Variants in SDK1 observed in about 807,000 individuals in gnomAD.
The protein encoded by SDK1 is sidekick cell adhesion molecule 1, also known as protein sidekick-1.
In SDK1, 157 loss-of-function variants were observed where a neutral mutation model predicts 245.5. That is an observed-to-expected ratio of 0.64 (90% CI 0.56 to 0.73). The LOEUF is 0.73. SDK1 is among the 30% of genes least tolerant of loss of function. The pLI is 0.00. For synonymous variants in SDK1, 1,647 were observed against 1,278.5 expected (o/e 1.29, Z -6.15); for missense variants, 3,583 against 3,002.3 (o/e 1.19, Z -4.52).
chr7:3,960,529 G>A (rs1029436704), intron 8 of SDK1, among the ~76,000 whole-genome samples: 33 of 152,134 alleles, frequency 2.2e-4, no homozygotes, highest in African/African-American at 7.0e-4. Flanking sequence ...GTGCAGCGGC[G>A]TGTCACCCTT....
chr7:3,705,219 G>A (rs1024701327), intron 4 of SDK1, among the ~76,000 whole-genome samples: 50 of 151,752 alleles, frequency 3.3e-4, no homozygotes, highest in African/African-American at 1.1e-3. Context: ...TTCTAATTCC[G>A]TTAAAAATGA....
At chr7:3,769,110 C>T (rs936289287) in intron 4 of SDK1, among the ~76,000 whole-genome samples, 1 of 152,154 alleles carries the variant, frequency 6.6e-6, no homozygotes, top group Admixed American at 6.5e-5. Context: ...TATTGAATTG[C>T]ATGCACTTTT....
At chr7:3,998,247 A>G (rs192608663) in intron 14 of SDK1, among the ~76,000 whole-genome samples, 62 of 152,342 alleles carry the variant, frequency 4.1e-4, no homozygotes, top group African/African-American at 1.3e-3. Flanking sequence ...CCCGGCTCCT[A>G]TGGGCTCCTT....
At chr7:4,040,609 G>T (rs373069591) in intron 17 of SDK1, among the ~76,000 whole-genome samples, 1 of 152,184 alleles carries the variant, frequency 6.6e-6, no homozygotes, top group African/African-American at 2.4e-5. Context: ...TTTTACAGAT[G>T]AGCTGGAGGA....
intron 1 of SDK1, among the ~76,000 whole-genome samples, chr7:3,515,297 C>T (rs1782708650): frequency 2.0e-5 from 3 of 152,096 alleles, no homozygotes; most frequent in African/African-American, 7.2e-5. Flanking sequence ...AAAATTCGTT[C>T]TTCTTTTGTT....
intron 1 of SDK1, among the ~76,000 whole-genome samples, chr7:3,479,689 C>T (rs981631177): frequency 4.6e-5 from 7 of 151,720 alleles, no homozygotes; most frequent in Admixed American, 3.3e-4. Flanking sequence ...TAGTGAAACC[C>T]TATTTCTACT....
At chr7:4,087,662 C>T (rs1204861348) in intron 22 of SDK1, among the ~76,000 whole-genome samples, 2 of 152,190 alleles carry the variant, frequency 1.3e-5, no homozygotes, top group African/African-American at 4.8e-5. Context: ...CCTGCCTTCA[C>T]CTGCTCTCAA....
At chr7:3,613,826 G>A (rs929936429) in intron 1 of SDK1, among the ~76,000 whole-genome samples, 2 of 152,170 alleles carry the variant, frequency 1.3e-5, no homozygotes, top group Admixed American at 6.5e-5. Flanking sequence ...TCCTTTGCAG[G>A]GAGATGGATG....
intron 14 of SDK1, among the ~76,000 whole-genome samples, chr7:4,010,467 G>T (rs1362845886): frequency 6.6e-6 from 1 of 152,244 alleles, no homozygotes; most frequent in Non-Finnish European, 1.5e-5. Flanking sequence ...GTGTGGTGGT[G>T]TAATGGGCCT....
rs540579685 is a variant in SDK1 at position 4,183,216 on chromosome 7, C to G, written c.5098+4630C>G. ...CAGTCCATTTTCAGAATGCAAAAGT[C>G]TGAAAAGCATCTCAAAAGATCAATT... On this transcript the variant is annotated intron_variant, in intron 35 of 44. Transcript: ENST00000404826. Among the ~76,000 whole-genome samples, 28 of 152,274 alleles carry G rather than the reference C, an allele frequency of 1.8e-4. 1 individual carries two copies. The highest frequency in any genetic ancestry group is 6.3e-4 in the African/African-American group (26 of 41,558).
intron 7 of SDK1, chr7:3,957,981 T>A (rs1448641710): frequency 4.2e-6 from 2 of 470,856 alleles, no homozygotes; most frequent in African/African-American, 4.0e-5. Flanking sequence ...CTTCAGCCGC[T>A]TCCCCCTTAA....
At chr7:3,877,882 TTACTTGCAGTGAAC>T (rs142057373) in intron 5 of SDK1, among the ~76,000 whole-genome samples, 2,186 of 152,354 alleles carry the variant, frequency 0.014, 103 homozygotes, top group East Asian at 0.11. Flanking sequence ...GGAATTTAGG[TTACTTGCAGTGAAC>T]TGCAGTGAAC....
intron 4 of SDK1, among the ~76,000 whole-genome samples, chr7:3,701,119 C>A (rs1002420161): frequency 2.0e-5 from 3 of 152,082 alleles, no homozygotes; most frequent in Admixed American, 2.0e-4. Flanking sequence ...TCAGTAAGAT[C>A]AACATACAAA....
At chr7:3,755,976 G>A (rs895152887) in intron 4 of SDK1, among the ~76,000 whole-genome samples, 8 of 147,052 alleles carry the variant, frequency 5.4e-5, no homozygotes, top group African/African-American at 7.5e-5. Flanking sequence ...GGCATAGCAC[G>A]TGTGACACAT....
In SDK1 at chr7:4,174,337, C is replaced by A; in HGVS notation, c.4916C>A (p.Ala1639Asp). The change falls in exon 33 of 45, where the codon GCT (alanine) becomes GAT (aspartate). Residue 1639 changes from alanine to aspartate, a missense_variant. Coordinates refer to ENST00000404826, the MANE Select transcript of SDK1 (RefSeq NM_152744.4). ...TEAKTLKNPIALHAELTAQSS... is the reference protein window; with the variant it reads ...TEAKTLKNPIDLHAELTAQSS... Reference sequence around the variant, plus strand: ...GCCAAGACGCTCAAAAACCCTATAGCTTTACATGCTGAGCTCACAGGTGAG... The same window carrying A: ...GCCAAGACGCTCAAAAACCCTATAGATTTACATGCTGAGCTCACAGGTGAG... 1.9e-6 allele frequency: 3 copies of A among 1,613,856 alleles called. No individual in the cohort carries two copies. The highest frequency in any genetic ancestry group is 2.5e-6 in the Non-Finnish European group (3 of 1,179,746).
intron 1 of SDK1, among the ~76,000 whole-genome samples, chr7:3,387,921 T>G (rs186420408): frequency 5.2e-4 from 79 of 152,328 alleles, no homozygotes; most frequent in African/African-American, 1.8e-3. Context: ...GAGAAAAATG[T>G]GCTACATAGA....
At chr7:3,927,595 A>G (rs543904500) in intron 5 of SDK1, among the ~76,000 whole-genome samples, 1 of 152,310 alleles carries the variant, frequency 6.6e-6, no homozygotes, top group Non-Finnish European at 1.5e-5. Context: ...GTCATTTCAG[A>G]GGGTGATGGT....
At chr7:3,579,102 A>C (rs1780400407) in intron 1 of SDK1, among the ~76,000 whole-genome samples, 1 of 151,952 alleles carries the variant, frequency 6.6e-6, no homozygotes, top group Non-Finnish European at 1.5e-5. Flanking sequence ...TTTCCTATAT[A>C]AAGGGGGCTT....
intron 40 of SDK1, among the ~76,000 whole-genome samples, chr7:4,225,906 T>A (rs191156655): frequency 3.0e-4 from 46 of 151,978 alleles, no homozygotes; most frequent in Admixed American, 9.8e-4. Context: ...TCGCCAACGA[T>A]CTCCCCTTTC....
Sources: allele counts gnomAD v4.1 joint callset (sites outside exome capture counted in the v4.1 genomes callset), GRCh38; gene constraint gnomAD v4.1.1; transcripts MANE v1.5; gene names NCBI Gene and HGNC (gene_info 2026-07-23, HGNC 2026-07-21).